DGLUCY: variants seen among roughly 807,000 people sequenced by gnomAD.
The protein encoded by DGLUCY is D-glutamate cyclase, mitochondrial.
DGLUCY carries 58 observed loss-of-function variants against 58.5 expected under a neutral mutation model. The ratio of observed to expected loss-of-function variants is 0.99; its 90% CI spans 0.80 to 1.23. DGLUCY has a LOEUF of 1.23. Ranked by LOEUF, DGLUCY falls within the 50% of genes most tolerant of loss-of-function variation. DGLUCY has a pLI of 0.00. For synonymous variants in DGLUCY, 325 were observed against 314.1 expected (o/e 1.03, Z -0.37); for missense variants, 779 against 784.7 (o/e 0.99, Z 0.09).
rs996991794 is a variant in DGLUCY at position 91,077,367 on chromosome 14, GAGGAAGGAAGGAA to G, written c.-82+16677_-82+16689del. On this transcript the variant is annotated intron_variant, in intron 1 of 4. Coordinates refer to the DGLUCY transcript ENST00000521334. ...AAAAGAAAGGGAGAAGGAAGGGAGG[GAGGAAGGAAGGAA>G]AGGAAGGAAGGAAGGAGAGAAAGAA... Among the ~76,000 whole-genome samples the G allele has an allele frequency of 7.4e-5, 11 of 149,032 alleles. No homozygotes were observed. The East Asian group carries it at 1.6e-3, about 22-fold the overall frequency.
chr14:91,174,044 C>T (rs1167461567), intron 6 of DGLUCY, among the ~76,000 whole-genome samples: 2 of 151,996 alleles, frequency 1.3e-5, no homozygotes, highest in South Asian at 2.1e-4. Context: ...TCCCCGCAAC[C>T]TCCAGGGAGG....
At chr14:91,172,867 G>C (rs10144202) in intron 5 of DGLUCY, among the ~76,000 whole-genome samples, 1 of 151,986 alleles carries the variant, frequency 6.6e-6, no homozygotes, top group African/African-American at 2.4e-5. Flanking sequence ...GGCTGGTCTC[G>C]AACTCCTGAC....
chr14:91,224,552 A>T, intron 13 of DGLUCY, 132 bp from the exon 14 acceptor site: 2 of 1,072,472 alleles, frequency 1.9e-6, no homozygotes, highest in Non-Finnish European at 2.6e-6. Flanking sequence ...TTAGTACTTT[A>T]AACCAAAATT....
intron 1 of DGLUCY, among the ~76,000 whole-genome samples, chr14:91,122,029 A>G (rs1418727429): frequency 6.6e-6 from 1 of 152,138 alleles, no homozygotes; most frequent in Non-Finnish European, 1.5e-5. Context: ...TAGCAGTTGT[A>G]TTTAGTGGAG....
At chr14:91,175,375 G>A (rs1335331900) in intron 6 of DGLUCY, among the ~76,000 whole-genome samples, 4 of 152,148 alleles carry the variant, frequency 2.6e-5, no homozygotes, top group African/African-American at 9.6e-5. Context: ...CTGCATAACC[G>A]ACAACATTAG....
chr14:91,139,107 T>G (rs1162458831), intron 1 of DGLUCY, among the ~76,000 whole-genome samples: 1 of 152,162 alleles, frequency 6.6e-6, no homozygotes, highest in South Asian at 2.1e-4. Flanking sequence ...AAAGTTCCAC[T>G]ATCTGCCATC....
chr14:91,110,208 G>C (rs1298389106), upstream of DGLUCY, among the ~76,000 whole-genome samples: 1 of 152,090 alleles, frequency 6.6e-6, no homozygotes, highest in East Asian at 1.9e-4. Context: ...AATTTTGCCT[G>C]GATCTCACCC....
In DGLUCY at chr14:91,215,530, A is replaced by G. The variant is rs1567014907; in HGVS notation, c.1690A>G (p.Thr564Ala). The G allele has an allele frequency of 6.2e-6, 10 of 1,613,868 alleles. No individual in the cohort carries two copies. The highest frequency in any genetic ancestry group is 8.5e-6 in the Non-Finnish European group (10 of 1,179,834). The change falls in exon 13 of 14, where the codon ACT becomes GCT. Residue 564 changes from threonine to alanine, a missense_variant. Transcript: ENST00000256324. ...CAGGGCACCTGGAGATCAGGCCTGG[A>G]CTCAGGCCCTCCCGTCGGTCATTAA... ...PSRAPGDQAW[T>A]QALPSVIKEE...
At chr14:91,106,233 G>T (rs113989111), upstream of DGLUCY, among the ~76,000 whole-genome samples, 4,618 of 151,876 alleles carry the variant, frequency 0.03, 99 homozygotes, top group South Asian at 0.058. Context: ...GCTCGAACCC[G>T]GGAGGTGGAG....
chr14:91,154,997 C>T (rs2140317098), intron 1 of DGLUCY, among the ~76,000 whole-genome samples: 1 of 152,296 alleles, frequency 6.6e-6, no homozygotes, highest in Non-Finnish European at 1.5e-5. Context: ...CCTGCTGGCC[C>T]CTGGGCCTAG....
chr14:91,156,913 C>T (rs939917412), intron 1 of DGLUCY, among the ~76,000 whole-genome samples: 2 of 152,190 alleles, frequency 1.3e-5, no homozygotes, highest in African/African-American at 4.8e-5. Context: ...GGCTCTGGCC[C>T]TAAAATCACC....
chr14:91,137,799 T>C (rs1226481338), intron 1 of DGLUCY, among the ~76,000 whole-genome samples: 1 of 152,088 alleles, frequency 6.6e-6, no homozygotes, highest in Non-Finnish European at 1.5e-5. Flanking sequence ...TTCTAGTTTC[T>C]ATCACCTGCC....
intron 9 of DGLUCY, among the ~76,000 whole-genome samples, chr14:91,190,054 C>T (rs75366560): frequency 0.31 from 41,727 of 136,336 alleles, 6,308 homozygotes; most frequent in African/African-American, 0.38. Flanking sequence ...GTGGCGCGAT[C>T]TCGGCTCACT....
At chr14:91,216,943 G>T (rs1764276665) in intron 13 of DGLUCY, among the ~76,000 whole-genome samples, 2 of 152,234 alleles carry the variant, frequency 1.3e-5, no homozygotes, top group African/African-American at 4.8e-5. Flanking sequence ...AGCCTGAGCA[G>T]CGAGGTGGCA....
chr14:91,190,040 T>G (rs2049780255), intron 9 of DGLUCY, among the ~76,000 whole-genome samples: 1 of 132,894 alleles, frequency 7.5e-6, no homozygotes, highest in Non-Finnish European at 1.5e-5. Context: ...CAGGCTGGAG[T>G]GCAGTGGCGC....
intron 1 of DGLUCY, among the ~76,000 whole-genome samples, chr14:91,144,748 C>T (rs1188604752): frequency 6.6e-6 from 1 of 152,100 alleles, no homozygotes; most frequent in Non-Finnish European, 1.5e-5. Context: ...GTCAGGGAGA[C>T]AGCCACAAAG....
At chr14:91,167,842 C>T in intron 4 of DGLUCY, 1 of 607,464 alleles carries the variant, frequency 1.6e-6, no homozygotes, top group Non-Finnish European at 2.9e-6. Context: ...TTTCCTATGG[C>T]ACCAGCACAG....
rs1555406030 is a variant in DGLUCY at position 91,205,754 on chromosome 14, C to CTTTTCTTCTTCTTCTTCTTCTTCT, written c.1564+930_1564+931insTTTCTTCTTCTTCTTCTTCTTCTT. ...TCATTTTCAAGTAGGCCAGGGCATT[C>CTTTTCTTCTTCTTCTTCTTCTTCT]TCTTCTTCTTCTTCTTCTTCTTCTT... On this transcript the variant is annotated intron_variant, in intron 12 of 13. Coordinates refer to ENST00000256324, the MANE Select transcript of DGLUCY (RefSeq NM_001102368.3). Among the ~76,000 whole-genome samples the CTTTTCTTCTTCTTCTTCTTCTTCT allele has an allele frequency of 4.7e-4, 61 of 129,728 alleles. 1 individual carries two copies. Among genetic ancestry groups the CTTTTCTTCTTCTTCTTCTTCTTCT allele is most frequent in the African/African-American group, 1.8e-3 (60 of 32,678 alleles). The allele number at this position is 129,728 out of a possible 152,430, so 85.1% of individuals were successfully genotyped here.
chr14:91,145,513 C>T (rs969777395), intron 1 of DGLUCY, among the ~76,000 whole-genome samples: 12 of 152,114 alleles, frequency 7.9e-5, no homozygotes, highest in Non-Finnish European at 1.5e-4. Context: ...TGAGTTGAGG[C>T]CCCATTTGTA....
Sources: gnomAD v4.1 joint callset for allele counts (sites outside exome capture counted in the v4.1 genomes callset) on GRCh38, gnomAD v4.1.1 for gene constraint, MANE v1.5 for transcripts, NCBI Gene and HGNC (gene_info 2026-07-23, HGNC 2026-07-21) for gene names.